Variants in MYO3A observed in about 807,000 individuals in gnomAD.
MYO3A encodes myosin IIIA.
In MYO3A, 180 loss-of-function variants were observed where a neutral mutation model predicts 192.7. The ratio of observed to expected loss-of-function variants is 0.93; its 90% CI spans 0.83 to 1.06. The LOEUF (loss-of-function observed/expected upper bound fraction) is 1.06. MYO3A is among the 50% of genes least tolerant of loss of function. The pLI, the probability that MYO3A is intolerant of heterozygous loss-of-function variation, is 0.00. For missense variants in MYO3A, 1,896 were observed against 1,905.0 expected (o/e 1.00, Z 0.09); for synonymous variants, 628 against 645.3 (o/e 0.97, Z 0.41).
intron 26 of MYO3A, among the ~76,000 whole-genome samples, chr10:26,163,548 T>C (rs1365761008): frequency 1.3e-5 from 2 of 152,072 alleles, no homozygotes; most frequent in African/African-American, 4.8e-5. Context: ...TTTAAGCTTG[T>C]TAGATCCATA....
intron 8 of MYO3A, chr10:26,022,176 A>G (rs1842340178): frequency 1.3e-5 from 2 of 152,506 alleles, no homozygotes; most frequent in African/African-American, 4.8e-5. Flanking sequence ...TTTTGGTGCC[A>G]TGAAAGCACT....
At chr10:26,071,672 A>G (rs1835217351) in intron 14 of MYO3A, among the ~76,000 whole-genome samples, 1 of 152,318 alleles carries the variant, frequency 6.6e-6, no homozygotes, top group Admixed American at 6.5e-5. Context: ...ACAAATCAAT[A>G]AGAAATGAAA....
chr10:25,938,268 G>A (rs1433885805), intron 2 of MYO3A, among the ~76,000 whole-genome samples: 1 of 152,160 alleles, frequency 6.6e-6, no homozygotes, highest in Non-Finnish European at 1.5e-5. Flanking sequence ...AAGCATCTAG[G>A]CAAAGACAAC....
intron 20 of MYO3A, among the ~76,000 whole-genome samples, chr10:26,135,483 G>T (rs1266860449): frequency 6.6e-6 from 1 of 152,014 alleles, no homozygotes; most frequent in Admixed American, 6.6e-5. Flanking sequence ...ATAAAAGAAG[G>T]CAGGAAATCC....
chr10:26,111,508 A>G (rs1838176624), intron 17 of MYO3A, among the ~76,000 whole-genome samples: 1 of 151,954 alleles, frequency 6.6e-6, no homozygotes, highest in Non-Finnish European at 1.5e-5. Flanking sequence ...TGCTGCCAAC[A>G]TTCAGTTTCA....
Position 25,947,496 on chromosome 10 carries a change from C to T in MYO3A, c.-17-4598C>T, listed in dbSNP as rs575775721. 1.9e-3 allele frequency among the ~76,000 whole-genome samples: 284 copies of T among 148,692 alleles called. 1 individual carries two copies. Among genetic ancestry groups the T allele is most frequent in the Non-Finnish European group, 2.5e-3 (169 of 67,672 alleles). On this transcript the variant is annotated intron_variant, in intron 2 of 34. Coordinates refer to ENST00000642920, the MANE Select transcript of MYO3A (RefSeq NM_017433.5). ...GCAACCTCCGCCTCCCGGGTTCAAG[C>T]GATTCTCCTGCCTCAGCCTGCTGAG...
chr10:25,938,214 T>G (rs953286708), intron 2 of MYO3A, among the ~76,000 whole-genome samples: 2 of 152,192 alleles, frequency 1.3e-5, no homozygotes, highest in African/African-American at 4.8e-5. Context: ...GATATGTGAC[T>G]GTGTATGAGA....
chr10:26,068,882 A>C lies in MYO3A; in HGVS notation c.1168A>C (p.Lys390Gln). 1 of 1,555,088 alleles carries C rather than the reference A, an allele frequency of 6.4e-7. No individual in the cohort carries two copies. The highest frequency in any genetic ancestry group is 8.9e-7 in the Non-Finnish European group (1 of 1,126,604). ...TCAGAGTCTGGGTCTTTACTCCACA[A>C]AGGTATGTCGTATGGGGTGCATTCT... ...PFQSLGLYST[K>Q]HSKLYIGSKR... Residue 390 changes from lysine (K) to glutamine (Q), a missense_variant and splice_region_variant, in exon 12 of 35, where the codon AAG becomes CAG. Physicochemically the swap from Lys to Gln is moderately conservative, Grantham distance 53 (BLOSUM62 1). Coordinates refer to ENST00000642920, the MANE Select transcript of MYO3A (RefSeq NM_017433.5).
intron 28 of MYO3A, 107 bp downstream of exon 28, chr10:26,168,981 G>A: frequency 9.2e-7 from 1 of 1,089,832 alleles, no homozygotes; most frequent in Non-Finnish European, 1.3e-6. Flanking sequence ...ATTCCAGACT[G>A]TGTTGCCTTG....
intron 10 of MYO3A, among the ~76,000 whole-genome samples, chr10:26,038,437 C>T (rs1313462725): frequency 6.6e-6 from 1 of 152,068 alleles, no homozygotes; most frequent in Non-Finnish European, 1.5e-5. Context: ...AATTCCTAGG[C>T]ATTTTATTTT....
chr10:26,101,591 G>A (rs1837456545), intron 17 of MYO3A, among the ~76,000 whole-genome samples: 2 of 152,168 alleles, frequency 1.3e-5, no homozygotes, highest in African/African-American at 4.8e-5. Flanking sequence ...AGGCAGGCCT[G>A]GTGGTGACAA....
rs112520797 is a variant in MYO3A, at chr10:25,997,137, TTA to T, written c.409-16_409-15del. The T allele has an allele frequency of 0.044, 68,682 of 1,575,894 alleles. 1,752 individuals are homozygous for T. Among genetic ancestry groups the T allele is most frequent in the Middle Eastern group, 0.065 (390 of 5,956 alleles). ...TGTTTGATGCTTTTGTTAAGAGTCA[TTA>T]TATATTTCTTATCTTCTAGGGACTT... On this transcript the variant is annotated intron_variant, in intron 5 of 34. Transcript: ENST00000642920.
At chr10:25,994,243 A>T (rs1840268874) in intron 4 of MYO3A, among the ~76,000 whole-genome samples, 1 of 149,238 alleles carries the variant, frequency 6.7e-6, no homozygotes, top group Admixed American at 6.6e-5. Context: ...CTTCTTGTTG[A>T]ATTGATCCCT....
intron 4 of MYO3A, among the ~76,000 whole-genome samples, chr10:25,955,880 T>C (rs1175147225): frequency 2.0e-5 from 3 of 152,124 alleles, no homozygotes; most frequent in African/African-American, 7.3e-5. Context: ...AGTGGCATTG[T>C]CTTAGTCTGT....
At chr10:26,167,911 T>C (rs1191509324) in intron 27 of MYO3A, among the ~76,000 whole-genome samples, 1 of 152,174 alleles carries the variant, frequency 6.6e-6, no homozygotes, top group Non-Finnish European at 1.5e-5. Context: ...TTCAATAAAC[T>C]CTTTGAGATG....
intron 6 of MYO3A, among the ~76,000 whole-genome samples, chr10:26,007,691 C>T (rs926451398): frequency 6.0e-5 from 9 of 150,844 alleles, no homozygotes; most frequent in Admixed American, 3.9e-4. Context: ...TAAAGGACCT[C>T]TTCAAGGAGA....
intron 14 of MYO3A, among the ~76,000 whole-genome samples, chr10:26,082,407 T>C (rs918989700): frequency 2.6e-5 from 4 of 152,206 alleles, no homozygotes; most frequent in African/African-American, 9.6e-5. Context: ...ATAAAAATGT[T>C]ATTTACTTTT....
intron 21 of MYO3A, 59 bp downstream of exon 21, chr10:26,143,660 A>G: frequency 6.3e-7 from 1 of 1,587,114 alleles, no homozygotes; most frequent in Non-Finnish European, 8.6e-7. Flanking sequence ...GTCATTCTGA[A>G]TGATTTTTTA....
Position 26,174,346 on chromosome 10 carries a change from A to G in MYO3A, c.4082A>G (p.Lys1361Arg), listed in dbSNP as rs1842206600. The G allele has an allele frequency of 1.2e-6, 2 of 1,614,082 alleles. No homozygotes were observed. Among genetic ancestry groups the G allele is most frequent in the Admixed American group, 1.7e-5 (1 of 60,006 alleles). The change falls in exon 30 of 35, where the codon AAG (lysine) becomes AGG (arginine). Residue 1361 changes from lysine to arginine, a missense_variant. Transcript: ENST00000642920. ...ATTCAGAGCAAATACCGGGGTTACA[A>G]GAGAAGGCAGCAGTTGAGGAAGGAC... ...VFIQSKYRGY[K>R]RRQQLRKDKM...
Sources: gnomAD v4.1 joint callset for allele counts (sites outside exome capture counted in the v4.1 genomes callset) on GRCh38, gnomAD v4.1.1 for gene constraint, MANE v1.5 for transcripts, NCBI Gene and HGNC (gene_info 2026-07-23, HGNC 2026-07-21) for gene names.